The following SNX29 variants were observed in gnomAD, a reference collection of about 807,000 sequenced individuals.
SNX29 encodes sorting nexin 29, also known as sorting nexin-29.
In SNX29, 78 loss-of-function variants were observed where a neutral mutation model predicts 102.1. The ratio of observed to expected loss-of-function variants is 0.76; its 90% CI spans 0.64 to 0.92. SNX29 has a LOEUF of 0.92. Ranked by LOEUF, SNX29 falls within the 40% of genes least tolerant of loss-of-function variation. The pLI is 0.00. For missense variants in SNX29, 1,280 were observed against 1,061.7 expected, an observed-to-expected ratio of 1.21 and a Z score of -2.86; for synonymous variants, 580 against 414.5, an observed-to-expected ratio of 1.40 and a Z score of -4.85.
At chr16:12,398,177 C>A (rs1038125134) in intron 16 of SNX29, among the ~76,000 whole-genome samples, 1 of 152,170 alleles carries the variant, frequency 6.6e-6, no homozygotes, top group Non-Finnish European at 1.5e-5. Flanking sequence ...CATGCTCTTA[C>A]ATGCCTGTGA....
chr16:12,560,534 C>T (rs1019658314), intron 20 of SNX29, among the ~76,000 whole-genome samples: 4 of 152,158 alleles, frequency 2.6e-5, no homozygotes, highest in South Asian at 2.1e-4. Context: ...AAGACCATTT[C>T]TATTTCTGGT....
intron 15 of SNX29, among the ~76,000 whole-genome samples, chr16:12,316,621 CCTT>C (rs1161722814): frequency 1.3e-5 from 2 of 152,220 alleles, no homozygotes; most frequent in African/African-American, 4.8e-5. Flanking sequence ...CCCTCCCACT[CCTT>C]CTGTGCCCCC....
intron 15 of SNX29, among the ~76,000 whole-genome samples, chr16:12,296,763 C>T (rs1030513971): frequency 3.3e-5 from 5 of 152,214 alleles, no homozygotes; most frequent in South Asian, 2.1e-4. Context: ...GCAATAGATA[C>T]ATTTACTGCT....
rs183683104 is a variant in SNX29 at position 12,442,119 on chromosome 16, G to T, written c.2038-35600G>T. Among the ~76,000 whole-genome samples, 272 of 152,210 alleles carry T rather than the reference G, an allele frequency of 1.8e-3. 3 individuals are homozygous for T. Among genetic ancestry groups the T allele is most frequent in the Admixed American group, 0.013 (205 of 15,294 alleles). ...ATATATGGTATGAGGTAAGGATCCA[G>T]CTTCATTTTATTGTGGATACCCAGT... On this transcript the variant is annotated intron_variant, in intron 18 of 20. Transcript: ENST00000566228.
chr16:12,354,690 G>GGGGGGT (rs2082082194), intron 15 of SNX29, among the ~76,000 whole-genome samples: 1 of 152,024 alleles, frequency 6.6e-6, no homozygotes, highest in Non-Finnish European at 1.5e-5. Context: ...GGAAGCTCGT[G>GGGGGGT]GGGGGTTTAT....
chr16:12,011,750 ACTTAC>A (rs1459358699), intron 3 of SNX29, among the ~76,000 whole-genome samples: 2 of 152,116 alleles, frequency 1.3e-5, no homozygotes, highest in African/African-American at 4.8e-5. Flanking sequence ...TGTCAGATAT[ACTTAC>A]CTTCATGCCT....
chr16:12,146,469 T>C (rs2055070656), intron 13 of SNX29, among the ~76,000 whole-genome samples: 1 of 152,194 alleles, frequency 6.6e-6, no homozygotes, highest in African/African-American at 2.4e-5. Context: ...TTTTGCCATG[T>C]TGGCCAGGCT....
intron 20 of SNX29, among the ~76,000 whole-genome samples, chr16:12,550,394 G>C (rs1399129131): frequency 6.6e-6 from 1 of 152,078 alleles, no homozygotes; most frequent in East Asian, 1.9e-4. Context: ...AATTAGCCAG[G>C]CATGGTGGTG....
chr16:12,224,118 C>T (rs528075377), intron 14 of SNX29, among the ~76,000 whole-genome samples: 3 of 152,200 alleles, frequency 2.0e-5, no homozygotes, highest in Admixed American at 6.5e-5. Context: ...AACTCTTTTT[C>T]CTTTTGTTTC....
At chr16:12,468,277 C>T (rs1286657625) in intron 18 of SNX29, among the ~76,000 whole-genome samples, 3 of 146,150 alleles carry the variant, frequency 2.1e-5, no homozygotes, top group African/African-American at 7.6e-5. Flanking sequence ...CAGTTTCAGG[C>T]AGTTCTCATG....
chr16:12,260,855 GT>G (rs928185107), intron 14 of SNX29, among the ~76,000 whole-genome samples: 2 of 150,960 alleles, frequency 1.3e-5, no homozygotes, highest in African/African-American at 4.9e-5. Context: ...TGGAGTGAAT[GT>G]TTGCTCTGAG....
At chr16:12,448,326 A>G (rs552141011) in intron 18 of SNX29, among the ~76,000 whole-genome samples, 8 of 151,712 alleles carry the variant, frequency 5.3e-5, no homozygotes, top group African/African-American at 2.0e-4. Context: ...TTGGTCAAGG[A>G]TGGTGGTGAT....
intron 19 of SNX29, among the ~76,000 whole-genome samples, chr16:12,484,048 C>T (rs1302509512): frequency 6.6e-6 from 1 of 152,190 alleles, no homozygotes; most frequent in Admixed American, 6.5e-5. Context: ...CACAGCTTCA[C>T]CCATCCAAAA....
chr16:12,128,652 C>A (rs766801026), intron 12 of SNX29, among the ~76,000 whole-genome samples: 1 of 152,042 alleles, frequency 6.6e-6, no homozygotes, highest in Non-Finnish European at 1.5e-5. Context: ...AGGGTTTCAT[C>A]ATGTTGGCCA....
intron 20 of SNX29, among the ~76,000 whole-genome samples, chr16:12,528,607 G>C (rs1397688429): frequency 6.6e-6 from 1 of 152,140 alleles, no homozygotes; most frequent in African/African-American, 2.4e-5. Flanking sequence ...TGTCTCCTGG[G>C]CACTGAGCCA....
At chr16:12,541,786 G>T (rs1462578197) in intron 20 of SNX29, among the ~76,000 whole-genome samples, 1 of 152,090 alleles carries the variant, frequency 6.6e-6, no homozygotes, top group African/African-American at 2.4e-5. Context: ...CAACCCCCTG[G>T]AATGGAAAGG....
chr16:12,571,888 T>A lies in SNX29; in HGVS notation c.*3259T>A. On this transcript the variant is annotated 3_prime_UTR_variant, in exon 21 of 21. Coordinates refer to ENST00000566228, the MANE Select transcript of SNX29 (RefSeq NM_032167.5). ...GCATTTTAGAGTTTGGAGCTGAGGT[T>A]CAAAGCCCCCTGCATTTCTCTACTG... The A allele has an allele frequency of 2.8e-6, 3 of 1,061,806 alleles. No homozygotes were observed. Among genetic ancestry groups the A allele is most frequent in the Non-Finnish European group, 3.4e-6 (3 of 877,106 alleles). 65.8% of individuals were successfully genotyped at this position (1,061,806 alleles called of 1,614,324 possible).
At chr16:12,525,010 C>T (rs762897651) in intron 20 of SNX29, among the ~76,000 whole-genome samples, 169 bp downstream of exon 20, 8 of 152,116 alleles carry the variant, frequency 5.3e-5, no homozygotes, top group Non-Finnish European at 8.8e-5. Context: ...TGGGTCTCAG[C>T]GCTTTGGAGC....
intron 20 of SNX29, among the ~76,000 whole-genome samples, chr16:12,538,053 C>T (rs374535825): frequency 7.2e-4 from 110 of 151,922 alleles, no homozygotes; most frequent in African/African-American, 1.2e-3. Context: ...AAAGTATAAT[C>T]GATCTTGGTG....
Sources: allele counts gnomAD v4.1 joint callset (sites outside exome capture counted in the v4.1 genomes callset), GRCh38; gene constraint gnomAD v4.1.1; transcripts MANE v1.5; gene names NCBI Gene and HGNC (gene_info 2026-07-23, HGNC 2026-07-21).